The following RAP1GAP2 variants were observed in gnomAD, a reference collection of about 807,000 sequenced individuals.
RAP1GAP2 encodes the protein rap1 GTPase-activating protein 2.
In RAP1GAP2, 27 loss-of-function variants were observed where a neutral mutation model predicts 95.0. The ratio of observed to expected loss-of-function variants is 0.28; its 90% CI spans 0.21 to 0.39. The LOEUF is 0.39. Among genes scored for constraint, RAP1GAP2 ranks in the 10% least tolerant of loss-of-function variants. The probability of loss-of-function intolerance (pLI) is 1.00; values close to 1 mark genes in which losing one functional copy is unlikely to be tolerated. For synonymous variants in RAP1GAP2, 373 were observed against 380.9 expected (o/e 0.98, Z 0.24); for missense variants, 771 against 970.0 (o/e 0.79, Z 2.72).
At chr17:2,971,559 C>T (rs551795000) in intron 8 of RAP1GAP2, among the ~76,000 whole-genome samples, 165 of 152,106 alleles carry the variant, frequency 1.1e-3, no homozygotes, top group African/African-American at 3.7e-3. Context: ...ATAGAATGGA[C>T]CTCATCTTTA....
In RAP1GAP2 at chr17:2,965,686, G is replaced by T; in HGVS notation, c.596+43G>T. The T allele has an allele frequency of 7.0e-7, 1 of 1,428,918 alleles. No individual in the cohort carries two copies. Among genetic ancestry groups the T allele is most frequent in the Non-Finnish European group, 9.7e-7 (1 of 1,029,808 alleles). The allele number at this position is 1,428,918 out of a possible 1,614,324, so 88.5% of individuals were successfully genotyped here. On this transcript the variant is annotated intron_variant, in intron 8 of 24. Transcript: ENST00000254695. This position sits in a 1 kb window ranked among gnomAD's most constrained non-coding sequence, Gnocchi z 4.7. Reference sequence around the variant, plus strand: ...CTTGAGGCCACTTCTCTTCCAGGCAGGGCTCTCATCGGTGGTGTGGGGGCT... The same window carrying T: ...CTTGAGGCCACTTCTCTTCCAGGCATGGCTCTCATCGGTGGTGTGGGGGCT...
At chr17:2,815,310 G>A (rs2069959658) in intron 2 of RAP1GAP2, among the ~76,000 whole-genome samples, 1 of 152,086 alleles carries the variant, frequency 6.6e-6, no homozygotes, top group Admixed American at 6.6e-5. Context: ...ACCTCTCTGT[G>A]CCCCAGTTTC....
rs918377044 is a variant in RAP1GAP2, at chr17:3,037,330, G to GA, written c.*3970dup. 3.1e-5 allele frequency: 4 copies of GA among 129,312 alleles called. No individual in the cohort carries two copies. In the East Asian group the frequency reaches 7.4e-4, roughly 24 times the overall value. 8.0% of individuals were successfully genotyped at this position (129,312 alleles called of 1,614,324 possible). ...CTGGAATTTAATTGCCATCGTCTTT[G>GA]ATTTTGTGACATTTCTGCTTGGAAG... is the stretch of plus-strand genomic sequence containing the variant. On this transcript the variant is annotated 3_prime_UTR_variant, in exon 25 of 25. Transcript: ENST00000254695.
intron 3 of RAP1GAP2, among the ~76,000 whole-genome samples, chr17:2,909,691 T>C (rs2042309283): frequency 6.6e-6 from 1 of 152,146 alleles, no homozygotes; most frequent in African/African-American, 2.4e-5. Context: ...GAGGTGTCCC[T>C]TCCTCCTCCT....
At chr17:2,950,011 A>G (rs1026908797) in intron 3 of RAP1GAP2, among the ~76,000 whole-genome samples, 2 of 150,756 alleles carry the variant, frequency 1.3e-5, no homozygotes, top group African/African-American at 4.9e-5. Flanking sequence ...GCCCCAGGCC[A>G]TGGGGCATCT....
chr17:2,852,623 A>G (rs956406131), intron 2 of RAP1GAP2, among the ~76,000 whole-genome samples: 9 of 152,184 alleles, frequency 5.9e-5, no homozygotes, highest in African/African-American at 9.7e-5. Flanking sequence ...ACAACAAAAA[A>G]CAAGGCAAAT....
intron 2 of RAP1GAP2, among the ~76,000 whole-genome samples, chr17:2,843,384 C>G (rs997359892): frequency 6.6e-6 from 1 of 151,678 alleles, no homozygotes; most frequent in Non-Finnish European, 1.5e-5. Context: ...CTCCTGGGTT[C>G]AAGCTATTTT....
At chr17:2,888,353 G>T (rs969415644) in intron 2 of RAP1GAP2, among the ~76,000 whole-genome samples, 27 of 152,168 alleles carry the variant, frequency 1.8e-4, no homozygotes, top group Non-Finnish European at 3.7e-4. Flanking sequence ...CAAGGCTACA[G>T]AATACTAGAA....
intron 9 of RAP1GAP2, among the ~76,000 whole-genome samples, chr17:2,980,692 G>T (rs2045323146): frequency 1.3e-5 from 2 of 152,202 alleles, no homozygotes. Flanking sequence ...AGTGCTGTAG[G>T]ACTTCCGTGG....
intron 3 of RAP1GAP2, among the ~76,000 whole-genome samples, chr17:2,941,279 G>A (rs2151431786): frequency 6.6e-6 from 1 of 152,226 alleles, no homozygotes; most frequent in South Asian, 2.1e-4. Flanking sequence ...GCACGTGCTT[G>A]TAATCCCAGC....
At chr17:2,762,377 T>G (rs117263710) in intron 1 of RAP1GAP2, among the ~76,000 whole-genome samples, 9,667 of 150,514 alleles carry the variant, frequency 0.064, 410 homozygotes, top group Non-Finnish European at 0.08. Context: ...TATTGAGTTG[T>G]AAAAGTTTCT....
chr17:3,017,404 C>T (rs774706383), intron 17 of RAP1GAP2, among the ~76,000 whole-genome samples: 5 of 151,988 alleles, frequency 3.3e-5, no homozygotes, highest in African/African-American at 4.8e-5. Flanking sequence ...GTAACAAAGG[C>T]GGATCTGAAG....
Position 2,855,746 on chromosome 17 carries a change from G to A in RAP1GAP2, c.81-49538G>A, listed in dbSNP as rs1461160222. 6.6e-6 allele frequency among the ~76,000 whole-genome samples: 1 copy of A among 152,076 alleles called. No homozygotes were observed. The highest frequency in any genetic ancestry group is 1.5e-5 in the Non-Finnish European group (1 of 68,012). ...TCGGGCCTCAGCCTCCGGAGTAGCT[G>A]GGACTACAAGTACCCACCACCACGC... On this transcript the variant is annotated intron_variant, in intron 2 of 24. Transcript: ENST00000254695. The surrounding 1 kb of genome is among the most constrained non-coding windows in gnomAD (Gnocchi z 4.3).
chr17:2,825,077 T>C lies in RAP1GAP2; in HGVS notation c.80+24527T>C, dbSNP rs1170158233. On this transcript the variant is annotated intron_variant, in intron 2 of 24. Transcript: ENST00000254695. The surrounding 1 kb of genome is among the most constrained non-coding windows in gnomAD (Gnocchi z 4.1). ...TCCTGCGTAGCTGGGATGACAGGCA[T>C]GTGCCACCACACCTGGCTAATTTTT... Among the ~76,000 whole-genome samples, 1 of 152,156 alleles carries C rather than the reference T, an allele frequency of 6.6e-6. No individual in the cohort carries two copies. Among genetic ancestry groups the C allele is most frequent in the Admixed American group, 6.6e-5 (1 of 15,250 alleles).
intron 2 of RAP1GAP2, among the ~76,000 whole-genome samples, chr17:2,874,104 T>A (rs1320490141): frequency 6.6e-6 from 1 of 152,180 alleles, no homozygotes; most frequent in Non-Finnish European, 1.5e-5. Flanking sequence ...GCTCTCTGAC[T>A]GTGGACAAGT....
At chr17:2,756,786 A>C (rs1389027230) in intron 1 of RAP1GAP2, among the ~76,000 whole-genome samples, 1 of 152,158 alleles carries the variant, frequency 6.6e-6, no homozygotes, top group Non-Finnish European at 1.5e-5. Flanking sequence ...TCAGGCACAC[A>C]CTGAGAGGAA....
intron 2 of RAP1GAP2, among the ~76,000 whole-genome samples, chr17:2,863,112 A>G (rs1187983883): frequency 6.6e-6 from 1 of 151,856 alleles, no homozygotes; most frequent in Non-Finnish European, 1.5e-5. Flanking sequence ...AAGGAAGAAC[A>G]TGGCTGGTAT....
chr17:3,030,525 G>A (rs150816547), intron 22 of RAP1GAP2, among the ~76,000 whole-genome samples: 160 of 152,264 alleles, frequency 1.1e-3, no homozygotes, highest in Middle Eastern at 3.4e-3. Flanking sequence ...GTCCTCGAAC[G>A]TGGACTTGGG....
intron 3 of RAP1GAP2, among the ~76,000 whole-genome samples, chr17:2,942,215 T>C (rs954448678): frequency 3.3e-5 from 5 of 152,110 alleles, no homozygotes; most frequent in African/African-American, 1.2e-4. Context: ...CCCGAGTACG[T>C]GTGAGGCGTA....
Sources: gnomAD v4.1 joint callset for allele counts (sites outside exome capture counted in the v4.1 genomes callset) on GRCh38, gnomAD v4.1.1 for gene constraint, Gnocchi (gnomAD v3.1) non-coding constraint, MANE v1.5 for transcripts, NCBI Gene and HGNC (gene_info 2026-07-23, HGNC 2026-07-21) for gene names.